The following GABRB3 variants were observed in gnomAD, a reference collection of about 807,000 sequenced individuals.
The protein encoded by GABRB3 is gamma-aminobutyric acid receptor subunit beta-3.
GABRB3 carries 14 observed loss-of-function variants against 52.1 expected under a neutral mutation model. That is an observed-to-expected ratio of 0.27 (90% CI 0.18 to 0.42). The LOEUF (loss-of-function observed/expected upper bound fraction) is 0.42. Ranked by LOEUF, GABRB3 falls within the 10% of genes least tolerant of loss-of-function variation. The pLI, the probability that GABRB3 is intolerant of heterozygous loss-of-function variation, is 1.00. For synonymous variants in GABRB3, 260 were observed against 232.3 expected (o/e 1.12, Z -1.08); for missense variants, 307 against 609.1 (o/e 0.50, Z 5.22).
intron 3 of GABRB3, among the ~76,000 whole-genome samples, chr15:26,714,471 AT>A (rs1889404646): frequency 6.6e-6 from 1 of 152,192 alleles, no homozygotes; most frequent in South Asian, 2.1e-4. Flanking sequence ...CAATCAATGT[AT>A]GTAAGATGAG....
At chr15:26,773,377 G>A (rs1891215553), upstream of GABRB3, among the ~76,000 whole-genome samples, 1 of 150,942 alleles carries the variant, frequency 6.6e-6, no homozygotes, top group South Asian at 2.1e-4. Context: ...CGCGGAGTCG[G>A]GAGGGGCGGG....
Position 26,753,217 on chromosome 15 carries a change from C to T in GABRB3, c.240+19185G>A, listed in dbSNP as rs115466802. Among the ~76,000 whole-genome samples the T allele has an allele frequency of 3.2e-3, 493 of 152,280 alleles. 2 individuals are homozygous for T. The highest frequency in any genetic ancestry group is 0.011 in the African/African-American group (456 of 41,568). The stretch of plus-strand genomic sequence containing the variant: ...AGTGTCCCGTCACCGCAGACACTGG[C>T]TCCAGTTACCCCTTCACGACACACA... On this transcript the variant is annotated intron_variant, in intron 3 of 8. Transcript: ENST00000311550.
At chr15:26,720,726 G>C (rs1181187688) in intron 3 of GABRB3, among the ~76,000 whole-genome samples, 2 of 152,108 alleles carry the variant, frequency 1.3e-5, no homozygotes, top group East Asian at 3.9e-4. Context: ...AATCCCTCAG[G>C]ATTTTCTAGC....
At chr15:26,659,436 C>T (rs572019312) in intron 3 of GABRB3, among the ~76,000 whole-genome samples, 1 of 151,954 alleles carries the variant, frequency 6.6e-6, no homozygotes, top group Non-Finnish European at 1.5e-5. Flanking sequence ...GCAGGAGAAT[C>T]GCTTAAACCC....
chr15:26,658,415 C>A (rs974103965), intron 3 of GABRB3: 4 of 152,228 alleles, frequency 2.6e-5, no homozygotes, highest in Non-Finnish European at 5.9e-5. Context: ...TCTATCTAGG[C>A]AGCAGTCAAG....
chr15:26,556,239 A>T (rs554445133), intron 8 of GABRB3, among the ~76,000 whole-genome samples: 2 of 152,348 alleles, frequency 1.3e-5, no homozygotes, highest in South Asian at 4.1e-4. Flanking sequence ...GACTAAAAAC[A>T]TCTCATTCAG....
intron 4 of GABRB3, among the ~76,000 whole-genome samples, chr15:26,607,985 C>CA (rs1393233378): frequency 1.3e-5 from 2 of 149,652 alleles, no homozygotes; most frequent in African/African-American, 4.9e-5. Context: ...GGAACCAAAA[C>CA]AAAAAACCCA....
At chr15:26,685,086 C>T (rs1312678043) in intron 3 of GABRB3, among the ~76,000 whole-genome samples, 3 of 152,188 alleles carry the variant, frequency 2.0e-5, no homozygotes, top group Admixed American at 2.0e-4. Flanking sequence ...GGTCAGATGA[C>T]ACTGAAGCAT....
intron 3 of GABRB3, among the ~76,000 whole-genome samples, chr15:26,639,758 G>A (rs982658671): frequency 2.0e-5 from 3 of 152,132 alleles, no homozygotes; most frequent in Non-Finnish European, 2.9e-5. Context: ...CAGTACATTC[G>A]ATTTCTTTAA....
At chr15:26,731,543 T>A (rs1213922498) in intron 3 of GABRB3, among the ~76,000 whole-genome samples, 2 of 152,176 alleles carry the variant, frequency 1.3e-5, no homozygotes, top group African/African-American at 4.8e-5. Flanking sequence ...CAGTGGGGGA[T>A]GCAGGCCAGC....
chr15:26,633,603 T>A (rs1018468733), intron 3 of GABRB3, among the ~76,000 whole-genome samples: 56 of 152,214 alleles, frequency 3.7e-4, no homozygotes, highest in African/African-American at 1.0e-3. Context: ...GCAAGCTGAC[T>A]CCCAGCACAT....
intron 3 of GABRB3, among the ~76,000 whole-genome samples, chr15:26,627,632 A>G (rs1892757387): frequency 6.6e-6 from 1 of 152,150 alleles, no homozygotes; most frequent in Non-Finnish European, 1.5e-5. Flanking sequence ...CAACAGAACT[A>G]GAAGTGAAAC....
chr15:26,738,077 T>G (rs982901151), intron 3 of GABRB3, among the ~76,000 whole-genome samples: 2 of 152,106 alleles, frequency 1.3e-5, no homozygotes, highest in African/African-American at 4.8e-5. Flanking sequence ...TTGTTGTCGT[T>G]GTTCTTCTTC....
intron 3 of GABRB3, among the ~76,000 whole-genome samples, chr15:26,650,463 T>C (rs1017735104): frequency 6.6e-6 from 1 of 151,942 alleles, no homozygotes; most frequent in East Asian, 1.9e-4. Flanking sequence ...TTTCAGAGGA[T>C]CCCTCTGACC....
intron 4 of GABRB3, among the ~76,000 whole-genome samples, chr15:26,591,983 A>C (rs1201733067): frequency 6.6e-6 from 1 of 152,218 alleles, no homozygotes; most frequent in Non-Finnish European, 1.5e-5. Context: ...AGAAAGCTCC[A>C]TCAGACAGCA....
intron 3 of GABRB3, among the ~76,000 whole-genome samples, chr15:26,734,025 T>A: frequency 1.2e-4 from 1 of 8,048 alleles, no homozygotes; most frequent in South Asian, 0.013. Context: ...CTATAGGGCT[T>A]TTTTTTTTTT....
At chr15:26,714,115 A>G (rs1030574968) in intron 3 of GABRB3, among the ~76,000 whole-genome samples, 2 of 152,248 alleles carry the variant, frequency 1.3e-5, no homozygotes, top group African/African-American at 2.4e-5. Flanking sequence ...GAAGGTGTGC[A>G]GAATATTTAG....
Position 26,544,644 on chromosome 15 carries a change from T to C in GABRB3, c.*3149A>G, listed in dbSNP as rs1720435158. ...TAAGGACTACTCAAGTCTATCAGTC[T>C]TTCTCTGTAGGGAGTTATGTAGCAG... is the stretch of plus-strand genomic sequence containing the variant. On this transcript the variant is annotated 3_prime_UTR_variant, in exon 9 of 9. Transcript: ENST00000311550. 1 of 152,208 alleles carries C rather than the reference T, an allele frequency of 6.6e-6. No homozygotes were observed. The highest frequency in any genetic ancestry group is 2.1e-4 in the South Asian group (1 of 4,836). The allele number at this position is 152,208 out of a possible 1,614,324, so 9.4% of individuals were successfully genotyped here. A position where few individuals can be genotyped will look rare whatever the true frequency, so the allele number is the denominator to read the frequency against.
intron 6 of GABRB3, among the ~76,000 whole-genome samples, chr15:26,577,577 G>T (rs1485875591): frequency 6.6e-6 from 1 of 152,084 alleles, no homozygotes; most frequent in African/African-American, 2.4e-5. Context: ...CTGCAACTTG[G>T]TACATCATAG....
Sources: allele counts gnomAD v4.1 joint callset (sites outside exome capture counted in the v4.1 genomes callset), GRCh38; gene constraint gnomAD v4.1.1; transcripts MANE v1.5; gene names NCBI Gene and HGNC (gene_info 2026-07-23, HGNC 2026-07-21).